The following RPS6KC1 variants were observed in gnomAD, a reference collection of about 807,000 sequenced individuals.
RPS6KC1 encodes inactive ribosomal protein S6 kinase delta-1.
RPS6KC1 carries 54 observed loss-of-function variants against 103.8 expected under a neutral mutation model. That is an observed-to-expected ratio of 0.52 (90% confidence interval 0.42 to 0.65). The LOEUF is 0.65. Among genes scored for constraint, RPS6KC1 ranks in the 30% least tolerant of loss-of-function variants. The pLI is 0.00. For synonymous variants in RPS6KC1, 439 were observed against 438.7 expected (o/e 1.00, Z -0.01); for missense variants, 1,151 against 1,253.8 (o/e 0.92, Z 1.24).
At chr1:213,800,328 T>A in the RPS6KC1 span, among the ~76,000 whole-genome samples, 1 of 152,150 alleles carries the variant, frequency 6.6e-6, no homozygotes, top group Admixed American at 6.5e-5. Flanking sequence ...GAATAAGATG[T>A]TGGAGTGGCT....
At chr1:213,810,169 C>T in the RPS6KC1 span, among the ~76,000 whole-genome samples, 12 of 152,242 alleles carry the variant, frequency 7.9e-5, no homozygotes, top group African/African-American at 2.9e-4. Flanking sequence ...CTGCCTAGGG[C>T]AGTAGTAAAC....
At chr1:213,545,995 T>C in the RPS6KC1 span, among the ~76,000 whole-genome samples, 1 of 152,260 alleles carries the variant, frequency 6.6e-6, no homozygotes, top group African/African-American at 2.4e-5. Context: ...CCCAGGGCAC[T>C]AGCTCCTTGA....
intron 12 of RPS6KC1, 73 bp from the exon 13 acceptor site, chr1:213,261,485 G>T: frequency 7.5e-7 from 1 of 1,331,476 alleles, no homozygotes; most frequent in Non-Finnish European, 1.1e-6. Flanking sequence ...AGGTCACCTT[G>T]CTAATACATG....
chr1:213,151,498 C>G lies in RPS6KC1; in HGVS notation c.836-16360C>G, dbSNP rs866022345. The stretch of plus-strand genomic sequence containing the variant: ...CTGACCCCCCCACCTCCCTCCCGGA[C>G]GGGGCGGCTGGACGGGCAGAGGGGC... On this transcript the variant is annotated intron_variant, in intron 6 of 14. Coordinates refer to ENST00000366960, the MANE Select transcript of RPS6KC1 (RefSeq NM_012424.6). Among the ~76,000 whole-genome samples the G allele has an allele frequency of 2.6e-5, 3 of 114,266 alleles. No homozygotes were observed. The East Asian group carries it at 8.4e-4, about 32-fold the overall frequency. 75.0% of individuals were successfully genotyped at this position (114,266 alleles called of 152,430 possible).
the RPS6KC1 span, among the ~76,000 whole-genome samples, chr1:213,442,958 GTT>G: frequency 2.1e-5 from 3 of 141,262 alleles, no homozygotes; most frequent in African/African-American, 7.8e-5. Flanking sequence ...CTTTCTCAGG[GTT>G]TTTTTTTTTT....
At chr1:213,487,771 A>G in the RPS6KC1 span, among the ~76,000 whole-genome samples, 1 of 152,152 alleles carries the variant, frequency 6.6e-6, no homozygotes, top group Non-Finnish European at 1.5e-5. Flanking sequence ...ATCTAAGGTT[A>G]TTGATTCCAT....
chr1:213,129,973 A>G, intron 6 of RPS6KC1, 84 bp downstream of exon 6: 1 of 1,285,734 alleles, frequency 7.8e-7, no homozygotes, highest in South Asian at 1.5e-5. Context: ...TCTTCTGTAT[A>G]GTCTTATGGA....
rs1307040113 is a variant in RPS6KC1 at position 213,152,130 on chromosome 1, C to T, written c.836-15728C>T. Among the ~76,000 whole-genome samples the T allele has an allele frequency of 4.2e-4, 53 of 125,970 alleles. 1 individual carries two copies. Among genetic ancestry groups the T allele is most frequent in the Admixed American group, 3.6e-3 (47 of 13,044 alleles). The allele number at this position is 125,970 out of a possible 152,430, so 82.6% of individuals were successfully genotyped here. The stretch of plus-strand genomic sequence containing the variant: ...CTCCTCACTTCCCAGTAGGGGCGGC[C>T]GGGCAGAGGCGCCCCTCACCTCCTG... On this transcript the variant is annotated intron_variant, in intron 6 of 14. Transcript: ENST00000366960.
intron 1 of RPS6KC1, among the ~76,000 whole-genome samples, chr1:213,056,832 G>C (rs373265820): frequency 1.5e-3 from 223 of 149,814 alleles, no homozygotes; most frequent in South Asian, 6.6e-3. Context: ...TCAGGTGTCA[G>C]CTATACCCTG....
At chr1:213,183,333 A>T (rs1196083590) in intron 8 of RPS6KC1, among the ~76,000 whole-genome samples, 1 of 152,148 alleles carries the variant, frequency 6.6e-6, no homozygotes, top group Non-Finnish European at 1.5e-5. Context: ...CTTTTATAGA[A>T]CACTCTACCT....
downstream of RPS6KC1, among the ~76,000 whole-genome samples, chr1:213,277,006 G>C (rs2095113874): frequency 6.6e-6 from 1 of 152,132 alleles, no homozygotes; most frequent in Non-Finnish European, 1.5e-5. Context: ...GATACTTTCT[G>C]TTCCTATTTA....
chr1:213,497,655 A>G, the RPS6KC1 span, among the ~76,000 whole-genome samples: 2 of 152,178 alleles, frequency 1.3e-5, no homozygotes, highest in African/African-American at 4.8e-5. Flanking sequence ...ATTTTAGCTC[A>G]AGAAAGTAGA....
At chr1:213,398,277 G>A in the RPS6KC1 span, among the ~76,000 whole-genome samples, 78 of 139,864 alleles carry the variant, frequency 5.6e-4, 3 homozygotes, top group East Asian at 0.015. Flanking sequence ...AACTCCTGAT[G>A]TCAGGCAATC....
chr1:213,560,811 G>T, the RPS6KC1 span, among the ~76,000 whole-genome samples: 2 of 152,198 alleles, frequency 1.3e-5, no homozygotes, highest in Admixed American at 6.5e-5. Flanking sequence ...AGGTGTATTT[G>T]TGTCACAGTT....
the RPS6KC1 span, among the ~76,000 whole-genome samples, chr1:213,678,510 G>A: frequency 6.6e-6 from 1 of 152,198 alleles, no homozygotes; most frequent in Admixed American, 6.5e-5. Context: ...CATCTGTAAG[G>A]TCAGAGGCTC....
chr1:213,406,341 AT>A, the RPS6KC1 span, among the ~76,000 whole-genome samples: 2 of 151,790 alleles, frequency 1.3e-5, no homozygotes, highest in African/African-American at 2.4e-5. Context: ...TTTCAGTTGC[AT>A]TTTTTTCCTT....
At chr1:213,068,913 G>GTGTGTGTGTGTGTA (rs1245462521) in intron 1 of RPS6KC1, among the ~76,000 whole-genome samples, 1 of 145,418 alleles carries the variant, frequency 6.9e-6, no homozygotes, top group African/African-American at 2.6e-5. Context: ...GTGTGTGTGT[G>GTGTGTGTGTGTGTA]TATGCCGACT....
the RPS6KC1 span, among the ~76,000 whole-genome samples, chr1:213,706,917 A>G: frequency 6.6e-6 from 1 of 152,190 alleles, no homozygotes; most frequent in Non-Finnish European, 1.5e-5. Flanking sequence ...CATGGTGTAT[A>G]TATGCCACAT....
chr1:213,208,440 T>G (rs754867494), intron 8 of RPS6KC1, among the ~76,000 whole-genome samples: 2 of 152,216 alleles, frequency 1.3e-5, no homozygotes, highest in Non-Finnish European at 2.9e-5. Context: ...GTCCCTGGTG[T>G]TCTATAATTT....
Sources: gnomAD v4.1 joint callset for allele counts (sites outside exome capture counted in the v4.1 genomes callset) on GRCh38, gnomAD v4.1.1 for gene constraint, MANE v1.5 for transcripts, NCBI Gene and HGNC (gene_info 2026-07-23, HGNC 2026-07-21) for gene names.